USP47: variants seen among roughly 807,000 people sequenced by gnomAD.
USP47 encodes the protein ubiquitin specific peptidase 47.
Under a neutral mutation model 165.1 loss-of-function variants are expected in USP47, and 35 were observed. That is an observed-to-expected ratio of 0.21 (90% CI 0.16 to 0.28). The LOEUF is 0.28. Ranked by LOEUF, USP47 falls within the 10% of genes least tolerant of loss-of-function variation. The pLI, the probability that USP47 is intolerant of heterozygous loss-of-function variation, is 1.00. For missense variants in USP47, 1,277 were observed against 1,607.4 expected (o/e 0.79, Z 3.52); for synonymous variants, 531 against 544.5 (o/e 0.98, Z 0.35).
intron 24 of USP47, chr11:11,951,944 T>G (rs1330008537): frequency 6.6e-6 from 1 of 152,176 alleles, no homozygotes; most frequent in Non-Finnish European, 1.5e-5. Flanking sequence ...TTAGCAGAGA[T>G]GGATTCATCT....
rs372047503 is a variant in USP47 at position 11,938,291 on chromosome 11, G to A, written c.2112G>A (p.Lys704=). The A allele has an allele frequency of 1.2e-6, 2 of 1,612,148 alleles. No homozygotes were observed. The highest frequency in any genetic ancestry group is 1.3e-5 in the African/African-American group (1 of 74,922). The change falls in exon 18 of 28, where the codon AAG becomes AAA. Residue 704 remains lysine, a synonymous_variant. Coordinates refer to ENST00000527733, the MANE Select transcript of USP47 (RefSeq NM_001282659.2). ...TGAAAGTTCATGTTGTTGATCTAAAGGCAGAATCTGTAGCTGCTCCTATAA... is the reference window on the plus strand; with the variant it reads ...TGAAAGTTCATGTTGTTGATCTAAAAGCAGAATCTGTAGCTGCTCCTATAA... ...VMVKVHVVDL[K]AESVAAPITV...
At chr11:11,900,378 T>C (rs927990658) in intron 5 of USP47, among the ~76,000 whole-genome samples, 1 of 152,210 alleles carries the variant, frequency 6.6e-6, no homozygotes, top group African/African-American at 2.4e-5. Flanking sequence ...GCCAGGATGG[T>C]CTCGATCTCC....
At chr11:11,867,468 A>C (rs776157210) in intron 1 of USP47, among the ~76,000 whole-genome samples, 4 of 152,138 alleles carry the variant, frequency 2.6e-5, no homozygotes, top group African/African-American at 9.7e-5. Flanking sequence ...AGAGTTCATT[A>C]ATTCTTTTTT....
At chr11:11,940,785 C>G (rs1459908018) in intron 19 of USP47, among the ~76,000 whole-genome samples, 1 of 151,776 alleles carries the variant, frequency 6.6e-6, no homozygotes, top group Non-Finnish European at 1.5e-5. Flanking sequence ...GCACTCCCAC[C>G]TGGAGTGTTC....
At chr11:11,955,832 C>G (rs1454899379) in intron 27 of USP47, among the ~76,000 whole-genome samples, 169 bp from the exon 28 acceptor site, 2 of 152,134 alleles carry the variant, frequency 1.3e-5, no homozygotes, top group Non-Finnish European at 2.9e-5. Context: ...GCAATATGTT[C>G]CTGTGATTAA....
intron 5 of USP47, among the ~76,000 whole-genome samples, chr11:11,900,950 T>G (rs1374856411): frequency 1.3e-5 from 2 of 152,194 alleles, no homozygotes; most frequent in Non-Finnish European, 2.9e-5. Context: ...AACAAGAGAA[T>G]TTTTGATCTC....
intron 20 of USP47, among the ~76,000 whole-genome samples, chr11:11,944,414 A>G (rs909103250): frequency 2.6e-5 from 4 of 152,196 alleles, no homozygotes; most frequent in African/African-American, 9.7e-5. Flanking sequence ...CAACATTCAT[A>G]CATATATCTT....
chr11:11,856,079 G>A (rs1428526304), intron 1 of USP47, among the ~76,000 whole-genome samples: 1 of 152,220 alleles, frequency 6.6e-6, no homozygotes, highest in Non-Finnish European at 1.5e-5. Context: ...GTGCATTTTA[G>A]GAAGTGGCAA....
intron 8 of USP47, among the ~76,000 whole-genome samples, chr11:11,919,554 A>G (rs1015701418): frequency 6.6e-6 from 1 of 151,824 alleles, no homozygotes; most frequent in African/African-American, 2.4e-5. Context: ...TGGTTCTACC[A>G]AATTAACAAT....
intron 1 of USP47, among the ~76,000 whole-genome samples, chr11:11,855,098 A>G (rs982188864): frequency 7.0e-6 from 1 of 143,462 alleles, no homozygotes; most frequent in Admixed American, 6.9e-5. Context: ...CCGTCTCAGG[A>G]AAAAAAAAAA....
intron 1 of USP47, among the ~76,000 whole-genome samples, chr11:11,877,805 CTGTGTGTGTGTGTGTGTG>C (rs10577564): frequency 0.014 from 984 of 71,152 alleles, 21 homozygotes; most frequent in South Asian, 0.04. Context: ...CTCTCTCTCT[CTGTGTGTGTGTGTGTGTG>C]TGTGTGTGTG....
At chr11:11,875,103 T>G (rs1303641745) in intron 1 of USP47, among the ~76,000 whole-genome samples, 2 of 150,192 alleles carry the variant, frequency 1.3e-5, no homozygotes, top group Non-Finnish European at 1.5e-5. Flanking sequence ...GTAACCATAA[T>G]ACTATTATTT....
chr11:11,863,356 A>G (rs960739850), intron 1 of USP47, among the ~76,000 whole-genome samples: 1 of 152,214 alleles, frequency 6.6e-6, no homozygotes, highest in Non-Finnish European at 1.5e-5. Flanking sequence ...TAACTTGATG[A>G]TGTTTTTACT....
chr11:11,942,329 A>G lies in USP47; in HGVS notation c.2314-6A>G, dbSNP rs763335176. 13 of 1,578,764 alleles carry G rather than the reference A, an allele frequency of 8.2e-6. No individual in the cohort carries two copies. Among genetic ancestry groups the G allele is most frequent in the South Asian group, 1.2e-5 (1 of 85,434 alleles). Reference sequence around the variant, plus strand: ...ATATATAATAAAACTCTGACTTACTATGTAGGTGTTTGTTGAAAGCTCCGA... The same window carrying G: ...ATATATAATAAAACTCTGACTTACTGTGTAGGTGTTTGTTGAAAGCTCCGA... On this transcript the variant is annotated splice_region_variant and splice_polypyrimidine_tract_variant and intron_variant, in intron 19 of 27. Coordinates refer to ENST00000527733, the MANE Select transcript of USP47 (RefSeq NM_001282659.2).
At chr11:11,879,831 A>G (rs910913485) in intron 1 of USP47, among the ~76,000 whole-genome samples, 7 of 152,058 alleles carry the variant, frequency 4.6e-5, no homozygotes, top group Non-Finnish European at 7.4e-5. Flanking sequence ...TTTTTTAAGG[A>G]TCAGATTTTA....
In USP47 at chr11:11,902,741, A is replaced by G; in HGVS notation, c.620A>G (p.Asp207Gly). Residue 207 changes from aspartate (D) to glycine (G), a missense_variant, in exon 6 of 28, where the codon GAT (aspartate) becomes GGT (glycine). Physicochemically the swap from Asp to Gly is moderately conservative, Grantham distance 94 (BLOSUM62 -1). Transcript: ENST00000527733. ...YKWEFEESEE[D>G]PVTSIPYQLQ... ...TGGGAATTTGAAGAATCTGAAGAAG[A>G]TCCAGTGACAAGTATTCCATACCAA... 1 of 1,577,252 alleles carries G rather than the reference A, an allele frequency of 6.3e-7. No homozygotes were observed.
chr11:11,943,985 G>C (rs1270998034), intron 20 of USP47: 1 of 151,710 alleles, frequency 6.6e-6, no homozygotes. Context: ...TTAGTATCCT[G>C]ATGTGACAGG....
chr11:11,877,619 G>A (rs961695153), intron 1 of USP47, among the ~76,000 whole-genome samples: 3 of 152,056 alleles, frequency 2.0e-5, no homozygotes, highest in East Asian at 1.9e-4. Flanking sequence ...TTATTAATCC[G>A]TATACTAACA....
chr11:11,896,620 G>A (rs1362549715), intron 4 of USP47, among the ~76,000 whole-genome samples: 1 of 152,180 alleles, frequency 6.6e-6, no homozygotes, highest in East Asian at 1.9e-4. Flanking sequence ...ATCTGCTGCT[G>A]TGCTAAGTAA....
Sources: allele counts gnomAD v4.1 joint callset (sites outside exome capture counted in the v4.1 genomes callset), GRCh38; gene constraint gnomAD v4.1.1; transcripts MANE v1.5; gene names NCBI Gene and HGNC (gene_info 2026-07-23, HGNC 2026-07-21).